The following C14orf93 variants were observed in gnomAD, a reference collection of about 807,000 sequenced individuals.
The protein encoded by C14orf93 is chromosome 14 open reading frame 93.
In C14orf93, 23 loss-of-function variants were observed where a neutral mutation model predicts 44.0. That is an observed-to-expected ratio of 0.52 (90% CI 0.38 to 0.74). The LOEUF (loss-of-function observed/expected upper bound fraction) is 0.74, where lower values mean the gene tolerates loss of function less well. Ranked by LOEUF, C14orf93 falls within the 30% of genes least tolerant of loss-of-function variation. The pLI, the probability that C14orf93 is intolerant of heterozygous loss-of-function variation, is 0.00. For missense variants in C14orf93, 579 were observed against 678.9 expected, an observed-to-expected ratio of 0.85 and a Z score of 1.64; for synonymous variants, 253 against 265.7, an observed-to-expected ratio of 0.95 and a Z score of 0.46.
chr14:22,996,149 TC>T lies in C14orf93; in HGVS notation c.716del (p.Gly239AspfsTer38). On this transcript the variant is annotated frameshift_variant, in exon 3 of 7. Transcript: ENST00000299088. LOFTEE classifies it high-confidence loss of function. This position sits in a 1 kb window ranked among gnomAD's most constrained non-coding sequence, Gnocchi z 4.1. ...LAIQRATPETGPENGTKLPPP... is the reference protein window; with the variant it reads ...LAIQRATPETXPENGTKLPPP... ...GTGGCAGCTTGGTTCCATTTTCTGG[TC>T]CTGTCTCTGGGGTTGCCCGCTGGAT... 1 of 1,614,088 alleles carries T rather than the reference TC, an allele frequency of 6.2e-7. No homozygotes were observed. The highest frequency in any genetic ancestry group is 8.5e-7 in the Non-Finnish European group (1 of 1,179,966).
intron 3 of C14orf93, among the ~76,000 whole-genome samples, chr14:22,993,552 CA>C (rs1213524665): frequency 6.6e-6 from 1 of 150,858 alleles, no homozygotes; most frequent in Non-Finnish European, 1.5e-5. Context: ...TTCAAAAAAA[CA>C]AAAAACAAAA....
At chr14:22,992,980 A>C (rs1030080292) in intron 3 of C14orf93, among the ~76,000 whole-genome samples, 10 of 152,008 alleles carry the variant, frequency 6.6e-5, no homozygotes, top group African/African-American at 2.2e-4. Context: ...CCCAGGTTCA[A>C]GTGATTCTCC....
At chr14:22,992,382 C>G (rs2045695216) in intron 3 of C14orf93, among the ~76,000 whole-genome samples, 1 of 150,256 alleles carries the variant, frequency 6.7e-6, no homozygotes, top group Non-Finnish European at 1.5e-5. Flanking sequence ...AGAGGAATTG[C>G]TTGAACCCAG....
In C14orf93 at chr14:22,995,968, T is replaced by C; in HGVS notation, c.898A>G (p.Lys300Glu). 6.3e-7 allele frequency: 1 copy of C among 1,599,662 alleles called. No homozygotes were observed. Among genetic ancestry groups the C allele is most frequent in the Non-Finnish European group, 8.5e-7 (1 of 1,170,622 alleles). ...RGSGQKNSRRKRDLVLSKLVH... is the reference protein window; with the variant it reads ...RGSGQKNSRRERDLVLSKLVH... ...CTCACAGAGAGTACAAGATCCCGCT[T>C]GCGCCTGGAGTTCTTCTGCCCACTT... Residue 300 changes from lysine to glutamate, a missense_variant, in exon 3 of 7, where the codon AAG becomes GAG. Lys to Glu is a moderately conservative substitution (Grantham distance 56). Coordinates refer to ENST00000299088, the MANE Select transcript of C14orf93 (RefSeq NM_021944.4).
intron 5 of C14orf93, among the ~76,000 whole-genome samples, chr14:22,988,252 G>C (rs1566666337): frequency 6.6e-6 from 1 of 151,718 alleles, no homozygotes; most frequent in African/African-American, 2.4e-5. Context: ...TCCTGCCTCA[G>C]CCTCCCGAGT....
intron 3 of C14orf93, 81 bp downstream of exon 3, chr14:22,995,867 A>G (rs746887712): frequency 2.3e-6 from 3 of 1,281,884 alleles, no homozygotes; most frequent in Non-Finnish European, 3.2e-6. Context: ...TCAATATGGG[A>G]GGCCTAAAAT....
intron 3 of C14orf93, among the ~76,000 whole-genome samples, chr14:22,991,233 A>C (rs2045603780): frequency 1.3e-5 from 2 of 150,864 alleles, no homozygotes; most frequent in South Asian, 4.2e-4. Context: ...GCACTCATTA[A>C]AAAGTTTTGC....
chr14:22,996,231 T>A lies in C14orf93; in HGVS notation c.635A>T (p.Gln212Leu). The change falls in exon 3 of 7, where the codon CAG becomes CTG. Residue 212 changes from glutamine (Q) to leucine (L), a missense_variant. Coordinates refer to ENST00000299088, the MANE Select transcript of C14orf93 (RefSeq NM_021944.4). The surrounding 1 kb of genome is among the most constrained non-coding windows in gnomAD (Gnocchi z 4.1). The stretch of plus-strand genomic sequence containing the variant: ...GGCATAAGCAGGGACCAGAACTCGC[T>A]GTACTGCACCCTCAGAGGCCACGTA... The part of the protein sequence containing the change: ...DDYVASEGAV[Q>L]RVLVPAYAKQ... The A allele has an allele frequency of 1.3e-6, 2 of 1,585,652 alleles. No homozygotes were observed. Among genetic ancestry groups the A allele is most frequent in the South Asian group, 1.1e-5 (1 of 88,590 alleles).
At chr14:23,002,375 C>T (rs537701171) in intron 1 of C14orf93, among the ~76,000 whole-genome samples, 4 of 150,564 alleles carry the variant, frequency 2.7e-5, no homozygotes, top group Admixed American at 2.7e-4. Context: ...TTGCTTGAAC[C>T]CAGGAGTCAG....
chr14:23,003,886 ATATATATATATATTTTTTTTTT>A (rs1457745405), intron 1 of C14orf93, among the ~76,000 whole-genome samples: 7 of 15,022 alleles, frequency 4.7e-4, no homozygotes, highest in Non-Finnish European at 7.6e-4. Context: ...ATATATATAT[ATATATATATATATTTTTTTTTT>A]TTTTTTTTTT....
At chr14:23,009,572 A>G (rs976261984) in intron 1 of C14orf93, among the ~76,000 whole-genome samples, 1 of 152,206 alleles carries the variant, frequency 6.6e-6, no homozygotes, top group African/African-American at 2.4e-5. Context: ...TAGGGAAATG[A>G]ATGTCTCCAT....
intron 1 of C14orf93, among the ~76,000 whole-genome samples, chr14:23,003,750 A>G (rs34908850): frequency 0.26 from 37,876 of 147,916 alleles, 4,978 homozygotes; most frequent in Middle Eastern, 0.29. Flanking sequence ...GCAGTGAGCC[A>G]AGATCACACC....
Position 22,998,745 on chromosome 14 carries a change from G to C in C14orf93, c.279C>G (p.Leu93=). The change falls in exon 2 of 7, where the codon CTC becomes CTG. Residue 93 remains leucine, a synonymous_variant. Coordinates refer to ENST00000299088, the MANE Select transcript of C14orf93 (RefSeq NM_021944.4). ...GCCTCAGGTCACCCACTTCCTCCTG[G>C]AGACGTTTTAACAACTCATTGTTGG... ...ARANNELLKR[L]QEEVGDLRQG... 1.2e-6 allele frequency: 2 copies of C among 1,614,186 alleles called. No homozygotes were observed.
chr14:22,988,612 T>C (rs539073300), intron 5 of C14orf93, among the ~76,000 whole-genome samples: 2 of 152,196 alleles, frequency 1.3e-5, no homozygotes, highest in South Asian at 4.1e-4. Context: ...TAAGTGATCG[T>C]CCAGCCTCAG....
At chr14:23,008,384 G>A (rs8003201) in intron 1 of C14orf93, among the ~76,000 whole-genome samples, 26,080 of 152,154 alleles carry the variant, frequency 0.17, 2,789 homozygotes, top group African/African-American at 0.3. Flanking sequence ...TTATAAATTT[G>A]TACAAGTAAC....
chr14:23,007,424 G>C (rs1390508308), intron 1 of C14orf93, among the ~76,000 whole-genome samples: 1 of 152,204 alleles, frequency 6.6e-6, no homozygotes, highest in East Asian at 1.9e-4. Context: ...AAGCACAGTG[G>C]CCACAAATCG....
At chr14:22,997,423 G>C (rs868383111) in intron 2 of C14orf93, among the ~76,000 whole-genome samples, 4 of 152,208 alleles carry the variant, frequency 2.6e-5, no homozygotes, top group East Asian at 1.9e-4. Context: ...GTCTTGTTGT[G>C]GGGGGAGGAG....
intron 1 of C14orf93, among the ~76,000 whole-genome samples, chr14:23,007,282 TA>T (rs1366929802): frequency 2.4e-4 from 37 of 152,198 alleles, no homozygotes; most frequent in East Asian, 1.9e-4. Context: ...AAAAGTCAGG[TA>T]GGGGAGGGGC....
intron 3 of C14orf93, among the ~76,000 whole-genome samples, chr14:22,991,543 C>A (rs773511100): frequency 1.3e-4 from 19 of 151,626 alleles, no homozygotes; most frequent in Non-Finnish European, 1.8e-4. Flanking sequence ...CCGCACCGGG[C>A]CTGTTTAATA....
Sources: allele counts gnomAD v4.1 joint callset (sites outside exome capture counted in the v4.1 genomes callset), GRCh38; gene constraint gnomAD v4.1.1; non-coding constraint Gnocchi (gnomAD v3.1); transcripts MANE v1.5; gene names NCBI Gene and HGNC (gene_info 2026-07-23, HGNC 2026-07-21).